Variants in ARMC2 observed in about 807,000 individuals in gnomAD.
The protein encoded by ARMC2 is armadillo repeat containing 2, also known as armadillo repeat-containing protein 2.
In ARMC2, 67 loss-of-function variants were observed where a neutral mutation model predicts 90.3. The ratio of observed to expected loss-of-function variants is 0.74; its 90% confidence interval spans 0.61 to 0.91. The LOEUF (loss-of-function observed/expected upper bound fraction) is 0.91. ARMC2 is among the 40% of genes least tolerant of loss of function. The pLI is 0.00. For synonymous variants in ARMC2, 393 were observed against 393.0 expected (o/e 1.00, Z 0.00); for missense variants, 920 against 1,030.9 (o/e 0.89, Z 1.47).
chr6:108,890,081 T>C (rs1770809232), intron 5 of ARMC2, among the ~76,000 whole-genome samples: 1 of 146,586 alleles, frequency 6.8e-6, no homozygotes, highest in Non-Finnish European at 1.5e-5. Flanking sequence ...TCCCAGCTAC[T>C]TGGGAGGCTG....
At chr6:109,046,892 G>A in the ARMC2 span, among the ~76,000 whole-genome samples, 2 of 122,996 alleles carry the variant, frequency 1.6e-5, no homozygotes, top group African/African-American at 6.0e-5. Flanking sequence ...TCCGGCAGCT[G>A]CCCCGTCTGA....
rs764295834 is a variant in ARMC2 at position 108,928,148 on chromosome 6, A to ATCAG, written c.1413_1416dup (p.Ala473GlnfsTer16). Reference sequence around the variant, plus strand: ...ATTAGTAAGAAGTAAGTTCCTAAACATCAGTGCCCTTCCCCAGCTCTGCAC... The same window carrying ATCAG: ...ATTAGTAAGAAGTAAGTTCCTAAACATCAGTCAGTGCCCTTCCCCAGCTCTGCAC... On this transcript the variant is annotated frameshift_variant, in exon 11 of 18. Transcript: ENST00000392644. LOFTEE classifies it high-confidence loss of function. 1.2e-6 allele frequency: 2 copies of ATCAG among 1,613,662 alleles called. No individual in the cohort carries two copies. Among genetic ancestry groups the ATCAG allele is most frequent in the East Asian group, 2.2e-5 (1 of 44,882 alleles).
chr6:108,987,408 G>A, the ARMC2 span: 4 of 544,714 alleles, frequency 7.3e-6, no homozygotes, highest in Admixed American at 9.9e-5. Context: ...CAGAAAAATA[G>A]CAGAAACTAA....
At chr6:109,052,413 A>G in the ARMC2 span, among the ~76,000 whole-genome samples, 1 of 152,130 alleles carries the variant, frequency 6.6e-6, no homozygotes, top group Non-Finnish European at 1.5e-5. Context: ...TAATCCTACC[A>G]CTCAAAGAAA....
At chr6:109,009,665 C>T in the ARMC2 span, 1 of 593,348 alleles carries the variant, frequency 1.7e-6, no homozygotes, top group Non-Finnish European at 2.2e-6. Flanking sequence ...CCCCGCAAAG[C>T]ACCGCCCCTC....
At chr6:108,994,608 A>C in the ARMC2 span, 6 of 1,607,740 alleles carry the variant, frequency 3.7e-6, no homozygotes, top group South Asian at 2.2e-5. Flanking sequence ...AGAATCACTT[A>C]CCTGAAGAAA....
chr6:109,003,385 G>T, the ARMC2 span, among the ~76,000 whole-genome samples: 1 of 151,176 alleles, frequency 6.6e-6, no homozygotes, highest in Non-Finnish European at 1.5e-5. Context: ...GGTGGGGGTG[G>T]GTGCACAGAG....
the ARMC2 span, among the ~76,000 whole-genome samples, chr6:109,012,324 A>G: frequency 6.6e-6 from 1 of 152,038 alleles, no homozygotes; most frequent in Non-Finnish European, 1.5e-5. Context: ...CTCAGGAAGA[A>G]TCCTGACATT....
At chr6:108,881,326 C>T (rs1777562417) in intron 5 of ARMC2, among the ~76,000 whole-genome samples, 1 of 141,062 alleles carries the variant, frequency 7.1e-6, no homozygotes, top group Non-Finnish European at 1.5e-5. Flanking sequence ...TCACTCCTTC[C>T]TTCCTTCCTT....
At chr6:109,041,042 C>T in the ARMC2 span, among the ~76,000 whole-genome samples, 17,039 of 151,524 alleles carry the variant, frequency 0.11, 1,056 homozygotes, top group Middle Eastern at 0.2. Context: ...GGCTCATGCC[C>T]ATAATCCCAG....
At chr6:108,987,469 TG>T in the ARMC2 span, 1 of 737,850 alleles carries the variant, frequency 1.4e-6, no homozygotes, top group Non-Finnish European at 2.3e-6. Flanking sequence ...CCATTGGTCC[TG>T]GGGCTTAGTA....
chr6:109,007,344 A>G, the ARMC2 span, among the ~76,000 whole-genome samples: 1 of 152,204 alleles, frequency 6.6e-6, no homozygotes, highest in Non-Finnish European at 1.5e-5. Context: ...CCTTAAGTGA[A>G]ATAATGAATG....
intron 3 of ARMC2, among the ~76,000 whole-genome samples, chr6:108,862,502 A>G (rs1220585207): frequency 1.3e-5 from 2 of 152,194 alleles, no homozygotes; most frequent in Non-Finnish European, 2.9e-5. Context: ...TTCATTTTAA[A>G]TAGTAATTAA....
At chr6:108,931,855 C>T (rs965118512) in intron 11 of ARMC2, among the ~76,000 whole-genome samples, 1 of 151,706 alleles carries the variant, frequency 6.6e-6, no homozygotes, top group African/African-American at 2.4e-5. Context: ...CCTCTGCCTC[C>T]CAGGTTCAAG....
Position 108,876,147 on chromosome 6 carries a change from G to C in ARMC2, c.468G>C (p.Lys156Asn). The C allele has an allele frequency of 6.2e-7, 1 of 1,605,402 alleles. No individual in the cohort carries two copies. Among genetic ancestry groups the C allele is most frequent in the South Asian group, 1.1e-5 (1 of 88,536 alleles). ...ATTTTCTTGGTTATATTGCAGCAAA[G>C]AAGACAGTGGAATCCAAAGAAACAG... is the stretch of plus-strand genomic sequence containing the variant. ...PDRSLPPSDS[K>N]KTVESKETVM... Residue 156 changes from lysine (K) to asparagine (N), a missense_variant, in exon 5 of 18, where the codon AAG becomes AAC. By Grantham distance (94) the Lys-to-Asn change is moderately conservative. Coordinates refer to ENST00000392644, the MANE Select transcript of ARMC2 (RefSeq NM_032131.6).
At chr6:109,009,825 C>G in the ARMC2 span, among the ~76,000 whole-genome samples, 5 of 152,194 alleles carry the variant, frequency 3.3e-5, no homozygotes, top group Middle Eastern at 3.4e-3. Flanking sequence ...AGGTGCAGCA[C>G]GAGTCTTCGG....
the ARMC2 span, among the ~76,000 whole-genome samples, chr6:109,021,078 C>T: frequency 1.3e-5 from 2 of 152,100 alleles, no homozygotes; most frequent in Non-Finnish European, 2.9e-5. Context: ...ACAGCAGCCT[C>T]GAACTCTTGG....
intron 13 of ARMC2, among the ~76,000 whole-genome samples, chr6:108,956,763 G>A (rs1253472342): frequency 6.6e-6 from 1 of 151,832 alleles, no homozygotes; most frequent in Non-Finnish European, 1.5e-5. Context: ...AGGCTGAGGT[G>A]GGCAGATCAC....
chr6:108,973,426 C>T lies in ARMC2; in HGVS notation c.2516C>T (p.Thr839Ile), dbSNP rs1778894465. The change falls in exon 18 of 18, where the codon ACA becomes ATA. Residue 839 changes from threonine (T) to isoleucine (I), a missense_variant. Physicochemically the swap from Thr to Ile is moderately conservative, Grantham distance 89. Transcript: ENST00000392644. ...LKNYHKLHWE[T>I]EFKPVAQQLL... ...AACTATCACAAACTCCATTGGGAAA[C>T]AGAATTCAAACCTGTGGCACAGCAG... 6.2e-7 allele frequency: 1 copy of T among 1,613,874 alleles called. No homozygotes were observed. Among genetic ancestry groups the T allele is most frequent in the South Asian group, 1.1e-5 (1 of 91,076 alleles).
Sources: gnomAD v4.1 joint callset for allele counts (sites outside exome capture counted in the v4.1 genomes callset) on GRCh38, gnomAD v4.1.1 for gene constraint, MANE v1.5 for transcripts, NCBI Gene and HGNC (gene_info 2026-07-23, HGNC 2026-07-21) for gene names.